The following RSRC1 variants were observed in gnomAD, a reference collection of about 807,000 sequenced individuals.
The protein encoded by RSRC1 is arginine and serine rich coiled-coil 1.
RSRC1 carries 39 observed loss-of-function variants against 49.1 expected under a neutral mutation model. That is an observed-to-expected ratio of 0.79 (90% CI 0.61 to 1.04). RSRC1 has a LOEUF of 1.04. Among genes scored for constraint, RSRC1 ranks in the 50% least tolerant of loss-of-function variants. RSRC1 has a pLI of 0.00. For missense variants in RSRC1, 388 were observed against 402.4 expected, an observed-to-expected ratio of 0.96 and a Z score of 0.31; for synonymous variants, 143 against 130.8, an observed-to-expected ratio of 1.09 and a Z score of -0.63.
intron 6 of RSRC1, among the ~76,000 whole-genome samples, chr3:158,403,290 T>C (rs1578432876): frequency 6.6e-6 from 1 of 151,966 alleles, no homozygotes; most frequent in African/African-American, 2.4e-5. Context: ...TAAATTACTT[T>C]CTTTTAATGG....
At chr3:158,205,759 A>G (rs1313197922) in intron 4 of RSRC1, among the ~76,000 whole-genome samples, 1 of 152,128 alleles carries the variant, frequency 6.6e-6, no homozygotes, top group Non-Finnish European at 1.5e-5. Flanking sequence ...TCCCTGGGCC[A>G]CACTGGAAGA....
chr3:158,164,006 A>T (rs1474083038), intron 3 of RSRC1, among the ~76,000 whole-genome samples: 2 of 152,194 alleles, frequency 1.3e-5, no homozygotes, highest in Admixed American at 1.3e-4. Flanking sequence ...TATAATCAGA[A>T]ATTTAAATGT....
At chr3:158,467,310 A>G (rs1356208328) in intron 7 of RSRC1, among the ~76,000 whole-genome samples, 1 of 152,180 alleles carries the variant, frequency 6.6e-6, no homozygotes, top group Non-Finnish European at 1.5e-5. Flanking sequence ...GGAGACAGAA[A>G]ATAAAATGAA....
At chr3:158,400,378 A>G (rs1176572850) in intron 6 of RSRC1, among the ~76,000 whole-genome samples, 1 of 152,146 alleles carries the variant, frequency 6.6e-6, no homozygotes, top group African/African-American at 2.4e-5. Flanking sequence ...TATTTACTGT[A>G]TCATATTTTT....
chr3:158,521,147 G>A lies in RSRC1; in HGVS notation c.653-15945G>A, dbSNP rs1711652022. On this transcript the variant is annotated intron_variant, in intron 7 of 9. Coordinates refer to ENST00000611884, the MANE Select transcript of RSRC1 (RefSeq NM_001271838.2). ...GAAGACTAGTCACCTATTGGTGGTA[G>A]TTAATGTTATGACTCCATAAGAATT... is the stretch of plus-strand genomic sequence containing the variant. Among the ~76,000 whole-genome samples the A allele has an allele frequency of 2.0e-5, 3 of 152,142 alleles. No homozygotes were observed. In the South Asian group the frequency reaches 6.2e-4, roughly 31 times the overall value.
chr3:158,309,192 A>G lies in RSRC1; in HGVS notation c.531+11117A>G, dbSNP rs140617607. Reference sequence around the variant, plus strand: ...TGCACCAACTCTGCCTTATAGAGACATGAAGATAAAGTGCTTTCGACTAGT... The same window carrying G: ...TGCACCAACTCTGCCTTATAGAGACGTGAAGATAAAGTGCTTTCGACTAGT... On this transcript the variant is annotated intron_variant, in intron 5 of 9. Transcript: ENST00000611884. Among the ~76,000 whole-genome samples the G allele has an allele frequency of 5.7e-4, 87 of 152,026 alleles. No homozygotes were observed. The East Asian group carries it at 0.013, about 22-fold the overall frequency.
At chr3:158,165,205 G>A (rs532526435) in intron 3 of RSRC1, among the ~76,000 whole-genome samples, 2 of 152,260 alleles carry the variant, frequency 1.3e-5, no homozygotes, top group African/African-American at 4.8e-5. Flanking sequence ...ATGAAGCTTG[G>A]TAAACTGAGC....
In RSRC1 at chr3:158,176,033, A is replaced by G. The variant is rs540790322; in HGVS notation, c.321-27039A>G. Among the ~76,000 whole-genome samples, 5 of 152,316 alleles carry G rather than the reference A, an allele frequency of 3.3e-5. No individual in the cohort carries two copies. The East Asian group carries it at 7.7e-4, about 24-fold the overall frequency. ...CAGACAAACAGAGAGCCAAATCATG[A>G]GTGAACGTCCATTCACTATTGCTAC... is the stretch of plus-strand genomic sequence containing the variant. On this transcript the variant is annotated intron_variant, in intron 3 of 9. Transcript: ENST00000611884.
At chr3:158,194,185 G>T (rs1401643739) in intron 3 of RSRC1, among the ~76,000 whole-genome samples, 5 of 151,828 alleles carry the variant, frequency 3.3e-5, no homozygotes, top group Admixed American at 6.6e-5. Context: ...GATGCGGGAG[G>T]ATCACTTGAG....
intron 3 of RSRC1, among the ~76,000 whole-genome samples, chr3:158,146,172 A>C (rs74481668): frequency 0.63 from 96,137 of 151,670 alleles, 31,144 homozygotes; most frequent in African/African-American, 0.75. Flanking sequence ...TATGTTGAAT[A>C]GGAGTGGTGA....
chr3:158,208,826 A>G (rs149255717), intron 4 of RSRC1, among the ~76,000 whole-genome samples: 92 of 152,330 alleles, frequency 6.0e-4, no homozygotes, highest in African/African-American at 2.2e-3. Context: ...TTGTCATGGC[A>G]TCTCATAATT....
intron 4 of RSRC1, among the ~76,000 whole-genome samples, chr3:158,290,978 G>C (rs1211547272): frequency 6.6e-6 from 1 of 152,108 alleles, no homozygotes; most frequent in Non-Finnish European, 1.5e-5. Context: ...AGGACCACTT[G>C]AGTCTAGAAG....
chr3:158,244,044 T>A (rs973129539), intron 4 of RSRC1, among the ~76,000 whole-genome samples: 7 of 144,454 alleles, frequency 4.8e-5, no homozygotes, highest in Non-Finnish European at 7.6e-5. Flanking sequence ...GGTTTTTTTT[T>A]ATATATAGGA....
intron 8 of RSRC1, among the ~76,000 whole-genome samples, chr3:158,537,477 C>T (rs1294077086): frequency 6.6e-6 from 1 of 151,526 alleles, no homozygotes; most frequent in Non-Finnish European, 1.5e-5. Context: ...AGTTCTATAA[C>T]AGTAATGCAC....
chr3:158,300,699 C>T (rs1048070174), intron 5 of RSRC1, among the ~76,000 whole-genome samples: 4 of 152,068 alleles, frequency 2.6e-5, no homozygotes, highest in Non-Finnish European at 5.9e-5. Flanking sequence ...GAAAAGCATC[C>T]TGTACATTTG....
chr3:158,300,874 C>CA (rs1945257795), intron 5 of RSRC1, among the ~76,000 whole-genome samples: 1 of 152,062 alleles, frequency 6.6e-6, no homozygotes, highest in Non-Finnish European at 1.5e-5. Flanking sequence ...TACCAGGTAA[C>CA]ATAGTTGCCC....
At chr3:158,257,017 A>G (rs1016837501) in intron 4 of RSRC1, among the ~76,000 whole-genome samples, 3 of 151,988 alleles carry the variant, frequency 2.0e-5, no homozygotes, top group Admixed American at 6.6e-5. Context: ...TTCTCAAAAA[A>G]CCAGCTCCTG....
intron 5 of RSRC1, among the ~76,000 whole-genome samples, chr3:158,340,379 A>G (rs573269240): frequency 7.2e-5 from 11 of 152,150 alleles, no homozygotes; most frequent in African/African-American, 1.9e-4. Context: ...TGGCTCTACT[A>G]AAAATACAAA....
At chr3:158,280,180 G>A (rs918166069) in intron 4 of RSRC1, among the ~76,000 whole-genome samples, 1 of 152,044 alleles carries the variant, frequency 6.6e-6, no homozygotes, top group African/African-American at 2.4e-5. Context: ...ATTTGGAATG[G>A]TATTCAGATT....
Sources: allele counts gnomAD v4.1 joint callset (sites outside exome capture counted in the v4.1 genomes callset), GRCh38; gene constraint gnomAD v4.1.1; transcripts MANE v1.5; gene names NCBI Gene and HGNC (gene_info 2026-07-23, HGNC 2026-07-21).